The following IQCM variants were observed in gnomAD, a reference collection of about 807,000 sequenced individuals.
The protein encoded by IQCM is IQ domain-containing protein M.
In IQCM, 45 loss-of-function variants were observed where a neutral mutation model predicts 57.6. That is an observed-to-expected ratio of 0.78 (90% CI 0.62 to 1.00). The LOEUF is 1.00. Ranked by LOEUF, IQCM falls within the 50% of genes least tolerant of loss-of-function variation. The pLI is 0.00. For missense variants in IQCM, 468 were observed against 511.6 expected, an observed-to-expected ratio of 0.91 and a Z score of 0.82; for synonymous variants, 148 against 158.9, an observed-to-expected ratio of 0.93 and a Z score of 0.51.
At chr4:149,762,534 T>G (rs1046694731) in intron 2 of IQCM, among the ~76,000 whole-genome samples, 2 of 152,024 alleles carry the variant, frequency 1.3e-5, no homozygotes, top group African/African-American at 4.8e-5. Flanking sequence ...TACAAAGACA[T>G]GTGCATTGAA....
intron 5 of IQCM, among the ~76,000 whole-genome samples, chr4:149,726,132 AAAG>A (rs1445124601): frequency 3.2e-4 from 47 of 146,726 alleles, no homozygotes; most frequent in Non-Finnish European, 5.6e-4. Flanking sequence ...AGAAAGAAAG[AAAG>A]AAAGAAAAGA....
At chr4:149,758,481 T>C (rs926645978) in intron 2 of IQCM, among the ~76,000 whole-genome samples, 9 of 152,188 alleles carry the variant, frequency 5.9e-5, no homozygotes, top group Non-Finnish European at 1.3e-4. Context: ...ATTTAAGCTA[T>C]ATTTTATTAA....
At chr4:149,603,553 A>T (rs1754503516) in intron 8 of IQCM, among the ~76,000 whole-genome samples, 1 of 152,108 alleles carries the variant, frequency 6.6e-6, no homozygotes, top group South Asian at 2.1e-4. Context: ...TGTCCCTATG[A>T]TAGACTCAAT....
intron 12 of IQCM, among the ~76,000 whole-genome samples, chr4:149,468,320 G>A (rs1011128481): frequency 1.3e-5 from 2 of 152,198 alleles, no homozygotes; most frequent in Non-Finnish European, 2.9e-5. Context: ...GGCACACCAG[G>A]AGATTATATC....
chr4:149,395,046 G>C (rs189248117), intron 13 of IQCM, among the ~76,000 whole-genome samples: 3 of 152,048 alleles, frequency 2.0e-5, no homozygotes, highest in South Asian at 2.1e-4. Context: ...CTAGCTAAGG[G>C]AATAGGAAGA....
intron 13 of IQCM, among the ~76,000 whole-genome samples, chr4:149,376,603 A>AAACTGTTGGTTATTCACAAAT (rs1730715403): frequency 6.6e-6 from 1 of 152,180 alleles, no homozygotes; most frequent in Non-Finnish European, 1.5e-5. Context: ...GGATCATCCG[A>AAACTGTTGGTTATTCACAAAT]AACTGTTGAT....
chr4:149,747,170 G>A (rs1260978760), intron 2 of IQCM, among the ~76,000 whole-genome samples: 1 of 122,042 alleles, frequency 8.2e-6, no homozygotes, highest in Non-Finnish European at 1.6e-5. Flanking sequence ...ATAGGAATAA[G>A]AAAAGAGAAA....
intron 7 of IQCM, among the ~76,000 whole-genome samples, chr4:149,669,450 A>G (rs575196711): frequency 2.6e-5 from 4 of 151,978 alleles, no homozygotes; most frequent in Non-Finnish European, 5.9e-5. Context: ...GATGGTAGTT[A>G]CTTTTGCTAT....
intron 7 of IQCM, among the ~76,000 whole-genome samples, chr4:149,669,015 T>G (rs1330303961): frequency 1.3e-5 from 2 of 152,184 alleles, no homozygotes; most frequent in Non-Finnish European, 2.9e-5. Flanking sequence ...TTTGACAATT[T>G]AAACATATCT....
intron 13 of IQCM, among the ~76,000 whole-genome samples, chr4:149,397,573 T>C (rs908472548): frequency 1.3e-5 from 2 of 152,006 alleles, no homozygotes; most frequent in African/African-American, 4.8e-5. Flanking sequence ...TCTGCCATGA[T>C]TGTAAGTTTC....
intron 2 of IQCM, among the ~76,000 whole-genome samples, chr4:149,809,483 T>C (rs920457481): frequency 1.3e-5 from 2 of 152,238 alleles, no homozygotes; most frequent in African/African-American, 4.8e-5. Flanking sequence ...ACTTAAAGAT[T>C]TTTATTTTTG....
chr4:149,568,661 C>G (rs1750863637), intron 9 of IQCM, among the ~76,000 whole-genome samples: 2 of 152,078 alleles, frequency 1.3e-5, no homozygotes, highest in African/African-American at 2.4e-5. Context: ...CATGGTGGCA[C>G]ATGCTACCAT....
intron 12 of IQCM, among the ~76,000 whole-genome samples, chr4:149,498,177 T>G (rs2149787714): frequency 6.6e-6 from 1 of 152,182 alleles, no homozygotes; most frequent in South Asian, 2.1e-4. Flanking sequence ...CACTTGTTTT[T>G]CCCCTCCTTA....
At chr4:149,621,986 A>C (rs1439519802) in intron 7 of IQCM, among the ~76,000 whole-genome samples, 2 of 152,138 alleles carry the variant, frequency 1.3e-5, no homozygotes, top group African/African-American at 4.8e-5. Context: ...GTATCTATGT[A>C]GTCTTTCCTG....
At chr4:149,725,035 A>G (rs1021394978) in intron 5 of IQCM, among the ~76,000 whole-genome samples, 1 of 152,136 alleles carries the variant, frequency 6.6e-6, no homozygotes, top group Non-Finnish European at 1.5e-5. Context: ...AGATAATTTC[A>G]TATTTTTCCT....
chr4:149,381,102 A>G (rs1003072577), intron 13 of IQCM, among the ~76,000 whole-genome samples: 2 of 152,096 alleles, frequency 1.3e-5, no homozygotes, highest in Non-Finnish European at 2.9e-5. Flanking sequence ...GGCTAAAACT[A>G]TTTGACTTTG....
chr4:149,539,663 C>T (rs904117186), intron 12 of IQCM, among the ~76,000 whole-genome samples: 5 of 152,040 alleles, frequency 3.3e-5, no homozygotes, highest in African/African-American at 9.7e-5. Context: ...GAGTTTGAGA[C>T]CAGGCTGGCC....
chr4:149,777,974 T>C (rs1771250267), intron 2 of IQCM, among the ~76,000 whole-genome samples: 1 of 152,170 alleles, frequency 6.6e-6, no homozygotes, highest in South Asian at 2.1e-4. Flanking sequence ...TCTCTCTACC[T>C]TGAAGAACAG....
At chr4:149,741,107 G>A (rs568078740) in intron 3 of IQCM, among the ~76,000 whole-genome samples, 55 of 152,196 alleles carry the variant, frequency 3.6e-4, no homozygotes, top group Middle Eastern at 3.4e-3. Context: ...CAAATTTCAA[G>A]TGGCATCTGG....
Sources: allele counts gnomAD v4.1 joint callset (sites outside exome capture counted in the v4.1 genomes callset), GRCh38; gene constraint gnomAD v4.1.1; transcripts MANE v1.5; gene names NCBI Gene and HGNC (gene_info 2026-07-23, HGNC 2026-07-21).